Variants in TTC7A observed in about 807,000 individuals in gnomAD.
The protein encoded by TTC7A is tetratricopeptide repeat domain 7A.
TTC7A carries 110 observed loss-of-function variants against 103.7 expected under a neutral mutation model. That is an observed-to-expected ratio of 1.06 (90% CI 0.91 to 1.24). The LOEUF (loss-of-function observed/expected upper bound fraction) is 1.24, where lower values mean the gene tolerates loss of function less well. Ranked by LOEUF, TTC7A falls within the 50% of genes most tolerant of loss-of-function variation. The pLI, the probability that TTC7A is intolerant of heterozygous loss-of-function variation, is 0.00. For missense variants in TTC7A, 1,340 were observed against 1,116.3 expected, an observed-to-expected ratio of 1.20 and a Z score of -2.86; for synonymous variants, 521 against 467.9, an observed-to-expected ratio of 1.11 and a Z score of -1.47.
At chr2:47,033,055 A>G (rs1382709206) in intron 15 of TTC7A, among the ~76,000 whole-genome samples, 4 of 152,068 alleles carry the variant, frequency 2.6e-5, no homozygotes, top group African/African-American at 9.7e-5. Context: ...GAGCATAGAA[A>G]CCCATGGATT....
intron 19 of TTC7A, among the ~76,000 whole-genome samples, chr2:47,072,703 A>G (rs1281693908): frequency 6.6e-6 from 1 of 152,128 alleles, no homozygotes; most frequent in Non-Finnish European, 1.5e-5. Flanking sequence ...CCGTCTTGGA[A>G]CAAGAGAAGG....
At chr2:47,008,692 A>G (rs1424605159) in intron 10 of TTC7A, among the ~76,000 whole-genome samples, 1 of 152,162 alleles carries the variant, frequency 6.6e-6, no homozygotes, top group Non-Finnish European at 1.5e-5. Flanking sequence ...GGCAGCCCTC[A>G]AGAGTGGCCA....
chr2:46,955,803 C>T (rs1015149075), intron 2 of TTC7A, among the ~76,000 whole-genome samples: 2 of 152,206 alleles, frequency 1.3e-5, no homozygotes, highest in Non-Finnish European at 1.5e-5. Context: ...TAGCACCTTC[C>T]TGCCAGTGAC....
chr2:47,056,091 C>T (rs905470929), intron 18 of TTC7A, among the ~76,000 whole-genome samples: 3 of 152,164 alleles, frequency 2.0e-5, no homozygotes, highest in African/African-American at 4.8e-5. Context: ...CCCTCTAGGT[C>T]CCAGGGATGG....
At chr2:47,005,069 C>T (rs904127172) in intron 8 of TTC7A, among the ~76,000 whole-genome samples, 1 of 152,232 alleles carries the variant, frequency 6.6e-6, no homozygotes, top group Non-Finnish European at 1.5e-5. Context: ...CCGCCACCCC[C>T]AGCAGCCATC....
Position 47,028,298 on chromosome 2 carries a change from C to T in TTC7A, c.1642-926C>T, listed in dbSNP as rs1049481862. Among the ~76,000 whole-genome samples, 6 of 152,324 alleles carry T rather than the reference C, an allele frequency of 3.9e-5. No homozygotes were observed. The East Asian group carries it at 1.2e-3, about 29-fold the overall frequency. ...AGGATGTGCTGGGGCACTGACTGAC[C>T]CCATAACCCTGTTACCACTTGCAGG... On this transcript the variant is annotated intron_variant, in intron 14 of 19. Coordinates refer to ENST00000319190, the MANE Select transcript of TTC7A (RefSeq NM_020458.4).
rs1415327484 is a variant in TTC7A at position 47,021,889 on chromosome 2, A to T, written c.1420A>T (p.Met474Leu). 1 of 1,614,186 alleles carries T rather than the reference A, an allele frequency of 6.2e-7. No individual in the cohort carries two copies. Among genetic ancestry groups the T allele is most frequent in the Admixed American group, 1.7e-5 (1 of 60,024 alleles). The change falls in exon 12 of 20, where the codon ATG (methionine) becomes TTG (leucine). Residue 474 changes from methionine to leucine, a missense_variant. Coordinates refer to ENST00000319190, the MANE Select transcript of TTC7A (RefSeq NM_020458.4). ...WLEEAEHFAM[M>L]VISLGEEAGE... Reference sequence around the variant, plus strand: ...AGAGGAAGCAGAGCACTTTGCCATGATGGTGATCAGCCTCGGAGAGGAAGC... The same window carrying T: ...AGAGGAAGCAGAGCACTTTGCCATGTTGGTGATCAGCCTCGGAGAGGAAGC...
chr2:46,927,206 C>T (rs1010916366), intron 2 of TTC7A, among the ~76,000 whole-genome samples: 10 of 151,514 alleles, frequency 6.6e-5, no homozygotes, highest in Non-Finnish European at 1.3e-4. Context: ...TAAAAATTTT[C>T]CAGAACCAAT....
intron 2 of TTC7A, among the ~76,000 whole-genome samples, chr2:46,925,549 C>G (rs950700488): frequency 1.3e-5 from 2 of 151,924 alleles, no homozygotes; most frequent in African/African-American, 4.8e-5. Context: ...CAAAGTGTCT[C>G]AATAAATAAA....
chr2:47,015,884 G>C (rs915912325), intron 11 of TTC7A, among the ~76,000 whole-genome samples: 5 of 151,964 alleles, frequency 3.3e-5, no homozygotes, highest in African/African-American at 1.2e-4. Flanking sequence ...ACTCCTCCCA[G>C]GGAGAAAAAA....
intron 19 of TTC7A, among the ~76,000 whole-genome samples, chr2:47,067,101 C>T (rs1020104029): frequency 6.6e-6 from 1 of 152,184 alleles, no homozygotes. Context: ...GGGCAAAGCC[C>T]GCCTGACCTC....
upstream of TTC7A, among the ~76,000 whole-genome samples, chr2:46,936,918 G>A (rs190573530): frequency 6.0e-5 from 9 of 149,970 alleles, no homozygotes; most frequent in East Asian, 7.9e-4. Context: ...GCAGTGGCAC[G>A]ATCTCAGCTC....
At chr2:47,017,590 A>G (rs1228500817) in intron 11 of TTC7A, among the ~76,000 whole-genome samples, 2 of 152,178 alleles carry the variant, frequency 1.3e-5, no homozygotes, top group Non-Finnish European at 2.9e-5. Flanking sequence ...AGAGAATAAG[A>G]TAGGAAATAC....
intron 2 of TTC7A, among the ~76,000 whole-genome samples, chr2:46,933,194 A>G (rs1669802515): frequency 6.6e-6 from 1 of 152,188 alleles, no homozygotes; most frequent in Non-Finnish European, 1.5e-5. Context: ...AGAAGCCACT[A>G]ACAAGAATTA....
intron 3 of TTC7A, among the ~76,000 whole-genome samples, chr2:46,964,475 C>T (rs1672667420): frequency 6.6e-6 from 1 of 152,110 alleles, no homozygotes; most frequent in Non-Finnish European, 1.5e-5. Context: ...AGATCTTTGG[C>T]TGTGGGTCAC....
intron 18 of TTC7A, among the ~76,000 whole-genome samples, chr2:47,055,217 A>C (rs1455099948): frequency 6.6e-6 from 1 of 152,178 alleles, no homozygotes; most frequent in East Asian, 1.9e-4. Flanking sequence ...AGATGCCTTG[A>C]TCATTTTGGA....
intron 19 of TTC7A, among the ~76,000 whole-genome samples, chr2:47,065,274 G>A (rs765769800): frequency 2.0e-5 from 3 of 152,186 alleles, no homozygotes; most frequent in African/African-American, 7.2e-5. Context: ...GTGACAGAGC[G>A]AGACTCCGTC....
chr2:46,948,596 C>T (rs555920940), intron 1 of TTC7A, among the ~76,000 whole-genome samples: 256 of 152,236 alleles, frequency 1.7e-3, no homozygotes, highest in Middle Eastern at 0.01. Flanking sequence ...ATCTCCCTTA[C>T]GGTGAGAGAT....
At chr2:47,006,910 G>A (rs973924560) in intron 10 of TTC7A, among the ~76,000 whole-genome samples, 186 bp downstream of exon 10, 3 of 152,162 alleles carry the variant, frequency 2.0e-5, no homozygotes, top group Admixed American at 6.5e-5. Flanking sequence ...GTCCACGTGC[G>A]AGCTGTGAGT....
Sources: gnomAD v4.1 joint callset for allele counts (sites outside exome capture counted in the v4.1 genomes callset) on GRCh38, gnomAD v4.1.1 for gene constraint, MANE v1.5 for transcripts, NCBI Gene and HGNC (gene_info 2026-07-23, HGNC 2026-07-21) for gene names.